ADGRB3: variants seen among roughly 807,000 people sequenced by gnomAD.
ADGRB3 encodes brain-specific angiogenesis inhibitor 3.
In ADGRB3, 37 loss-of-function variants were observed where a neutral mutation model predicts 193.4. The ratio of observed to expected loss-of-function variants is 0.19; its 90% CI spans 0.15 to 0.25. The LOEUF is 0.25. ADGRB3 is among the 10% of genes least tolerant of loss of function. ADGRB3 has a pLI of 1.00. For missense variants in ADGRB3, 1,637 were observed against 1,852.9 expected, an observed-to-expected ratio of 0.88 and a Z score of 2.14; for synonymous variants, 690 against 644.2, an observed-to-expected ratio of 1.07 and a Z score of -1.08.
At chr6:68,893,309 A>C (rs2150229970) in intron 3 of ADGRB3, among the ~76,000 whole-genome samples, 1 of 152,140 alleles carries the variant, frequency 6.6e-6, no homozygotes, top group South Asian at 2.1e-4. Context: ...AGTAAGCAGA[A>C]AGTGATACTT....
intron 3 of ADGRB3, among the ~76,000 whole-genome samples, chr6:68,641,817 A>T (rs565568143): frequency 6.6e-6 from 1 of 152,114 alleles, no homozygotes; most frequent in Non-Finnish European, 1.5e-5. Flanking sequence ...GATTTAATCA[A>T]ATTTAAGCAA....
intron 6 of ADGRB3, among the ~76,000 whole-genome samples, chr6:68,946,750 C>G (rs949989047): frequency 1.3e-5 from 2 of 151,984 alleles, no homozygotes; most frequent in Non-Finnish European, 2.9e-5. Context: ...TGGGCAGTGA[C>G]ATTTTTGTGT....
At chr6:69,059,866 A>G (rs1771673778) in intron 15 of ADGRB3, among the ~76,000 whole-genome samples, 1 of 152,150 alleles carries the variant, frequency 6.6e-6, no homozygotes, top group Non-Finnish European at 1.5e-5. Flanking sequence ...TAAAATTTTG[A>G]CATTTTTGTT....
intron 3 of ADGRB3, among the ~76,000 whole-genome samples, chr6:68,896,232 G>A (rs187454564): frequency 1.3e-5 from 2 of 152,012 alleles, no homozygotes; most frequent in African/African-American, 4.8e-5. Flanking sequence ...ATATGTAAGA[G>A]AACTGGAGAT....
At chr6:69,144,025 T>C (rs575523459) in intron 17 of ADGRB3, among the ~76,000 whole-genome samples, 1 of 152,334 alleles carries the variant, frequency 6.6e-6, no homozygotes, top group African/African-American at 2.4e-5. Context: ...ACAGAATACC[T>C]TTCCTTTTTG....
intron 30 of ADGRB3, among the ~76,000 whole-genome samples, chr6:69,376,224 G>A (rs1769818483): frequency 6.6e-6 from 1 of 150,490 alleles, no homozygotes; most frequent in South Asian, 2.1e-4. Flanking sequence ...CTAGTAGCTG[G>A]GACCACAGGC....
intron 17 of ADGRB3, among the ~76,000 whole-genome samples, chr6:69,110,173 C>A (rs1773331157): frequency 6.6e-6 from 1 of 151,922 alleles, no homozygotes; most frequent in Admixed American, 6.6e-5. Context: ...GTCTTGAACT[C>A]CTGACCTTGT....
chr6:69,281,733 G>T (rs1767441616), intron 20 of ADGRB3, among the ~76,000 whole-genome samples: 1 of 152,092 alleles, frequency 6.6e-6, no homozygotes, highest in Admixed American at 6.6e-5. Flanking sequence ...GATTCCTTTG[G>T]GGAGAATCCA....
intron 3 of ADGRB3, among the ~76,000 whole-genome samples, chr6:68,890,024 T>C (rs567768299): frequency 6.6e-6 from 1 of 152,344 alleles, no homozygotes; most frequent in South Asian, 2.1e-4. Context: ...ATATTTCAAA[T>C]GATTTCTCAA....
chr6:68,788,779 G>A (rs938298925), intron 3 of ADGRB3, among the ~76,000 whole-genome samples: 1 of 152,154 alleles, frequency 6.6e-6, no homozygotes, highest in African/African-American at 2.4e-5. Context: ...TTATTAATGT[G>A]TGGGAGTCTA....
At chr6:69,299,167 A>T (rs566765312) in intron 20 of ADGRB3, among the ~76,000 whole-genome samples, 1 of 151,972 alleles carries the variant, frequency 6.6e-6, no homozygotes, top group East Asian at 1.9e-4. Flanking sequence ...CCTGTTGGCC[A>T]TTTTTTATGG....
intron 20 of ADGRB3, among the ~76,000 whole-genome samples, chr6:69,306,582 A>G (rs1168351152): frequency 2.0e-5 from 3 of 151,526 alleles, no homozygotes; most frequent in South Asian, 2.1e-4. Flanking sequence ...AAAGATAGAA[A>G]GTGCACATTT....
At chr6:68,954,042 T>G (rs907553672) in intron 6 of ADGRB3, among the ~76,000 whole-genome samples, 1 of 152,178 alleles carries the variant, frequency 6.6e-6, no homozygotes, top group African/African-American at 2.4e-5. Context: ...GTTAAATCCT[T>G]TGTTTATTTC....
chr6:69,075,664 A>G (rs1285894479), intron 16 of ADGRB3, among the ~76,000 whole-genome samples: 3 of 152,166 alleles, frequency 2.0e-5, no homozygotes, highest in Non-Finnish European at 4.4e-5. Flanking sequence ...TAATCTAGCA[A>G]CTAATGTTTT....
chr6:69,073,015 T>C lies in ADGRB3; in HGVS notation c.2437-2980T>C, dbSNP rs547159072. Among the ~76,000 whole-genome samples, 5 of 152,328 alleles carry C rather than the reference T, an allele frequency of 3.3e-5. No homozygotes were observed. In the South Asian group the frequency reaches 8.3e-4, roughly 25 times the overall value. On this transcript the variant is annotated intron_variant, in intron 16 of 31. Coordinates refer to ENST00000370598, the MANE Select transcript of ADGRB3 (RefSeq NM_001704.3). ...ACCAGATAAGAACCCATTTCTTCTA[T>C]GAAACTTGTGCTGACTAGCATAGGC...
chr6:69,193,760 T>C (rs919526098), intron 17 of ADGRB3, among the ~76,000 whole-genome samples: 2 of 152,048 alleles, frequency 1.3e-5, no homozygotes, highest in South Asian at 4.1e-4. Flanking sequence ...GCTTTAAGTA[T>C]ATCATAGGAT....
chr6:68,841,284 C>A (rs1768154455), intron 3 of ADGRB3, among the ~76,000 whole-genome samples: 1 of 152,118 alleles, frequency 6.6e-6, no homozygotes, highest in African/African-American at 2.4e-5. Flanking sequence ...TTTCATCTAG[C>A]AGCTACAGAA....
At chr6:69,256,328 C>T (rs1044465349) in intron 20 of ADGRB3, among the ~76,000 whole-genome samples, 3 of 152,014 alleles carry the variant, frequency 2.0e-5, no homozygotes, top group Admixed American at 6.6e-5. Context: ...ATTCTTCCTA[C>T]CCATGAGCAT....
chr6:68,707,231 G>T (rs988322562), intron 3 of ADGRB3, among the ~76,000 whole-genome samples: 4 of 151,892 alleles, frequency 2.6e-5, no homozygotes, highest in African/African-American at 9.7e-5. Flanking sequence ...TGGACTGATT[G>T]TCTAATGGAT....
Sources: allele counts gnomAD v4.1 joint callset (sites outside exome capture counted in the v4.1 genomes callset), GRCh38; gene constraint gnomAD v4.1.1; transcripts MANE v1.5; gene names NCBI Gene and HGNC (gene_info 2026-07-23, HGNC 2026-07-21).